SGCZ: variants seen among roughly 807,000 people sequenced by gnomAD.
SGCZ encodes the protein sarcoglycan zeta.
SGCZ carries 40 observed loss-of-function variants against 41.3 expected under a neutral mutation model. That is an observed-to-expected ratio of 0.97 (90% confidence interval 0.75 to 1.26). The LOEUF is 1.26. Among genes scored for constraint, SGCZ ranks in the 50% most tolerant of loss-of-function variants. The probability of loss-of-function intolerance (pLI) is 0.00; values close to 1 mark genes in which losing one functional copy is unlikely to be tolerated. For synonymous variants in SGCZ, 206 were observed against 137.5 expected, an observed-to-expected ratio of 1.50 and a Z score of -3.49; for missense variants, 552 against 369.8, an observed-to-expected ratio of 1.49 and a Z score of -4.04.
At chr8:14,915,956 C>T (rs1355050884) in intron 1 of SGCZ, among the ~76,000 whole-genome samples, 1 of 152,170 alleles carries the variant, frequency 6.6e-6, no homozygotes, top group Non-Finnish European at 1.5e-5. Flanking sequence ...GCCATTTTAA[C>T]ATGTGTTCCA....
chr8:14,769,753 C>G (rs1800168583), intron 1 of SGCZ, among the ~76,000 whole-genome samples: 2 of 143,852 alleles, frequency 1.4e-5, no homozygotes, highest in South Asian at 4.4e-4. Context: ...CAAGATCGTG[C>G]CATTGCACTC....
chr8:14,847,175 A>AAGG (rs1377206392), intron 1 of SGCZ, among the ~76,000 whole-genome samples: 1 of 149,992 alleles, frequency 6.7e-6, no homozygotes, highest in African/African-American at 2.5e-5. Flanking sequence ...GAAGAAGAAG[A>AAGG]AGAAGAAGAA....
chr8:14,167,699 T>A (rs956830358), intron 4 of SGCZ, among the ~76,000 whole-genome samples: 4 of 152,214 alleles, frequency 2.6e-5, no homozygotes, highest in Non-Finnish European at 4.4e-5. Flanking sequence ...TCTATATACA[T>A]TCTTAAAAGA....
intron 1 of SGCZ, among the ~76,000 whole-genome samples, chr8:14,917,789 C>T (rs939173951): frequency 3.9e-5 from 6 of 152,030 alleles, no homozygotes; most frequent in African/African-American, 1.2e-4. Flanking sequence ...TAAATGATTT[C>T]GTGTCTTCTA....
chr8:14,692,225 A>G lies in SGCZ; in HGVS notation c.40-137299T>C, dbSNP rs565103499. 1.0e-3 allele frequency among the ~76,000 whole-genome samples: 157 copies of G among 152,202 alleles called. 2 individuals are homozygous for G. Among genetic ancestry groups the G allele is most frequent in the African/African-American group, 3.6e-3 (151 of 41,540 alleles). On this transcript the variant is annotated intron_variant, in intron 1 of 7. Coordinates refer to ENST00000382080, the MANE Select transcript of SGCZ (RefSeq NM_139167.4). ...ATTTTTAAGAATTTCAAACACTTAA[A>G]TCATTAAGATTAATGATATATCTTA... is the stretch of plus-strand genomic sequence containing the variant.
chr8:14,847,335 A>C lies in SGCZ; in HGVS notation c.40-292409T>G, dbSNP rs376244157. ...TATCTAAAATAGAAGTTTGTGGACC[A>C]ATATCCCTCATGAACATAGACACCA... On this transcript the variant is annotated intron_variant, in intron 1 of 7. Transcript: ENST00000382080. 1.3e-3 allele frequency among the ~76,000 whole-genome samples: 196 copies of C among 152,184 alleles called. 2 individuals are homozygous for C. In the South Asian group the frequency reaches 0.018, roughly 14 times the overall value.
At chr8:14,496,515 C>G (rs1262763352) in intron 2 of SGCZ, among the ~76,000 whole-genome samples, 1 of 152,144 alleles carries the variant, frequency 6.6e-6, no homozygotes, top group African/African-American at 2.4e-5. Context: ...ATTCTTTCAT[C>G]AAACTATCCA....
intron 3 of SGCZ, among the ~76,000 whole-genome samples, chr8:14,315,389 T>A (rs1585353135): frequency 1.3e-5 from 2 of 152,100 alleles, no homozygotes; most frequent in Admixed American, 1.3e-4. Flanking sequence ...GGCCCCTGGG[T>A]TATTTCTAGT....
chr8:14,497,459 C>T (rs1802022492), intron 2 of SGCZ, among the ~76,000 whole-genome samples: 1 of 152,132 alleles, frequency 6.6e-6, no homozygotes, highest in Non-Finnish European at 1.5e-5. Flanking sequence ...ACCCTGCAGG[C>T]TGAATGCAGC....
chr8:14,207,554 A>T (rs10096854), intron 4 of SGCZ, among the ~76,000 whole-genome samples: 114,977 of 151,980 alleles, frequency 0.76, 44,593 homozygotes, highest in African/African-American at 0.92. Flanking sequence ...AAGCTTAAAT[A>T]TCTTTTTTGT....
intron 3 of SGCZ, chr8:14,309,789 C>G (rs2116994694): frequency 1.4e-6 from 2 of 1,432,096 alleles, no homozygotes; most frequent in Middle Eastern, 2.5e-4. Flanking sequence ...TCATTTCCAT[C>G]TAAATGTTAC....
chr8:14,341,823 C>A (rs953135938), intron 2 of SGCZ, among the ~76,000 whole-genome samples: 1 of 152,134 alleles, frequency 6.6e-6, no homozygotes, highest in Admixed American at 6.5e-5. Flanking sequence ...AAGAAGTGCC[C>A]TTCAGCTCCC....
chr8:14,639,202 T>C (rs370237060), intron 1 of SGCZ, among the ~76,000 whole-genome samples: 6 of 151,624 alleles, frequency 4.0e-5, no homozygotes, highest in African/African-American at 1.4e-4. Context: ...ACTGGAAAAG[T>C]GCTAATCAGA....
At chr8:14,592,320 T>C (rs192897177) in intron 1 of SGCZ, among the ~76,000 whole-genome samples, 188 of 152,272 alleles carry the variant, frequency 1.2e-3, no homozygotes, top group Middle Eastern at 6.8e-3. Flanking sequence ...AGATTGCTGC[T>C]TGCTCATAAC....
intron 4 of SGCZ, among the ~76,000 whole-genome samples, chr8:14,199,935 C>A (rs1289591810): frequency 6.6e-6 from 1 of 152,060 alleles, no homozygotes; most frequent in Non-Finnish European, 1.5e-5. Context: ...GCTGTTGTAA[C>A]TCAAACTACA....
At chr8:14,804,596 C>A (rs13258215) in intron 1 of SGCZ, among the ~76,000 whole-genome samples, 18 of 136,024 alleles carry the variant, frequency 1.3e-4, no homozygotes, top group Admixed American at 4.7e-4. Context: ...ACCAAATCTA[C>A]GTCTGATTGG....
At chr8:14,475,621 A>G (rs564071305) in intron 2 of SGCZ, among the ~76,000 whole-genome samples, 46 of 152,280 alleles carry the variant, frequency 3.0e-4, no homozygotes, top group Non-Finnish European at 5.7e-4. Flanking sequence ...ACTTTGTGCT[A>G]TAAATTGTTG....
At chr8:15,093,471 A>C (rs1346559276) in intron 1 of SGCZ, among the ~76,000 whole-genome samples, 1 of 152,234 alleles carries the variant, frequency 6.6e-6, no homozygotes, top group Non-Finnish European at 1.5e-5. Flanking sequence ...ATTTTGTAGT[A>C]TAATCAGCAT....
At chr8:14,926,906 TGGGATTACAGGCGTGA>T (rs1450345681) in intron 1 of SGCZ, among the ~76,000 whole-genome samples, 2 of 152,096 alleles carry the variant, frequency 1.3e-5, no homozygotes, top group Admixed American at 1.3e-4. Context: ...CCCAAAGTGT[TGGGATTACAGGCGTGA>T]GTCACCACAC....
Sources: gnomAD v4.1 joint callset for allele counts (sites outside exome capture counted in the v4.1 genomes callset) on GRCh38, gnomAD v4.1.1 for gene constraint, MANE v1.5 for transcripts, NCBI Gene and HGNC (gene_info 2026-07-23, HGNC 2026-07-21) for gene names.